NCKAP5: variants seen among roughly 807,000 people sequenced by gnomAD.
NCKAP5 encodes nck-associated protein 5.
NCKAP5 carries 92 observed loss-of-function variants against 167.0 expected under a neutral mutation model. The ratio of observed to expected loss-of-function variants is 0.55; its 90% CI spans 0.47 to 0.66. The LOEUF (loss-of-function observed/expected upper bound fraction) is 0.66. Among genes scored for constraint, NCKAP5 ranks in the 30% least tolerant of loss-of-function variants. NCKAP5 has a pLI of 0.00. For missense variants in NCKAP5, 2,378 were observed against 2,315.0 expected (o/e 1.03, Z -0.56); for synonymous variants, 891 against 877.4 (o/e 1.02, Z -0.27).
chr2:133,419,414 C>G (rs1689329417), intron 3 of NCKAP5, among the ~76,000 whole-genome samples: 1 of 152,130 alleles, frequency 6.6e-6, no homozygotes, highest in Non-Finnish European at 1.5e-5. Context: ...ATTTGGCCCA[C>G]AAAGTGGATT....
At chr2:132,727,391 A>G (rs11692408) in intron 18 of NCKAP5, among the ~76,000 whole-genome samples, 108,288 of 152,146 alleles carry the variant, frequency 0.71, 38,974 homozygotes, top group East Asian at 0.87. Flanking sequence ...CAAAGCCAGC[A>G]CAGAGTCCTT....
At chr2:133,566,678 C>A (rs1200635570) in intron 1 of NCKAP5, among the ~76,000 whole-genome samples, 1 of 152,172 alleles carries the variant, frequency 6.6e-6, no homozygotes, top group Non-Finnish European at 1.5e-5. Flanking sequence ...ACAGGAAGCT[C>A]AGTTTCTAGT....
intron 5 of NCKAP5, among the ~76,000 whole-genome samples, chr2:133,212,215 G>C (rs1368223031): frequency 6.6e-6 from 1 of 152,170 alleles, no homozygotes; most frequent in Non-Finnish European, 1.5e-5. Flanking sequence ...GCAGGAGCTA[G>C]TCTTAAACAA....
chr2:132,955,820 T>C (rs2076325084), intron 8 of NCKAP5, among the ~76,000 whole-genome samples: 1 of 152,226 alleles, frequency 6.6e-6, no homozygotes, highest in African/African-American at 2.4e-5. Flanking sequence ...CCAGCATCTG[T>C]TGTTTCCTGA....
At chr2:133,158,164 T>C (rs926635244) in intron 5 of NCKAP5, among the ~76,000 whole-genome samples, 9 of 152,214 alleles carry the variant, frequency 5.9e-5, no homozygotes, top group African/African-American at 2.2e-4. Flanking sequence ...TGTTTGCTCT[T>C]GGTTAGGGAG....
intron 3 of NCKAP5, among the ~76,000 whole-genome samples, chr2:133,387,831 A>G (rs1035695297): frequency 1.3e-5 from 2 of 152,242 alleles, no homozygotes; most frequent in African/African-American, 4.8e-5. Context: ...CCAGTTGATC[A>G]AATCGGCTAC....
chr2:133,040,344 T>C (rs2079172854), intron 6 of NCKAP5, among the ~76,000 whole-genome samples: 2 of 152,186 alleles, frequency 1.3e-5, no homozygotes, highest in African/African-American at 4.8e-5. Context: ...ACTTTTGCAG[T>C]GACCTAATAC....
chr2:133,671,904 C>T, the NCKAP5 span, among the ~76,000 whole-genome samples: 1 of 152,142 alleles, frequency 6.6e-6, no homozygotes, highest in Non-Finnish European at 1.5e-5. Context: ...ATTTTATATG[C>T]CTGCTCAAAC....
At chr2:132,866,270 A>G (rs1690344344) in intron 10 of NCKAP5, among the ~76,000 whole-genome samples, 1 of 152,204 alleles carries the variant, frequency 6.6e-6, no homozygotes, top group Admixed American at 6.5e-5. Context: ...ACACTGAAGA[A>G]CCTAGGTGAG....
chr2:133,410,637 A>G (rs1301330705), intron 3 of NCKAP5, among the ~76,000 whole-genome samples: 1 of 152,178 alleles, frequency 6.6e-6, no homozygotes, highest in Non-Finnish European at 1.5e-5. Flanking sequence ...GCAGCATCGC[A>G]GGGAGCTTCT....
chr2:133,305,363 C>G (rs767596133), intron 3 of NCKAP5, among the ~76,000 whole-genome samples: 18 of 152,158 alleles, frequency 1.2e-4, no homozygotes, highest in Non-Finnish European at 2.4e-4. Flanking sequence ...GTTTCTTCAT[C>G]TTCGTCAGAG....
At chr2:133,550,852 T>C (rs1452951510) in intron 2 of NCKAP5, among the ~76,000 whole-genome samples, 49 of 144,314 alleles carry the variant, frequency 3.4e-4, no homozygotes, top group Non-Finnish European at 5.3e-4. Flanking sequence ...GAAAACCCCA[T>C]TGTCTCAGCC....
intron 4 of NCKAP5, among the ~76,000 whole-genome samples, chr2:133,249,059 C>T (rs2088157335): frequency 6.6e-6 from 1 of 152,164 alleles, no homozygotes; most frequent in Non-Finnish European, 1.5e-5. Context: ...ATTCCCTTCC[C>T]CCATCCCACT....
chr2:132,807,736 G>A (rs920769928), intron 11 of NCKAP5, among the ~76,000 whole-genome samples: 4 of 151,950 alleles, frequency 2.6e-5, no homozygotes, highest in Non-Finnish European at 4.4e-5. Context: ...TAACCAATTT[G>A]GATGCCCTTT....
the NCKAP5 span, among the ~76,000 whole-genome samples, chr2:133,640,525 A>G: frequency 6.6e-6 from 1 of 152,198 alleles, no homozygotes; most frequent in African/African-American, 2.4e-5. Flanking sequence ...TAAATAACGA[A>G]GCAAACTTCT....
intron 3 of NCKAP5, among the ~76,000 whole-genome samples, chr2:133,438,791 C>G (rs1690656140): frequency 6.6e-6 from 1 of 152,136 alleles, no homozygotes; most frequent in Middle Eastern, 3.2e-3. Flanking sequence ...TTCTACCAAA[C>G]AGAAATGATT....
intron 5 of NCKAP5, among the ~76,000 whole-genome samples, chr2:133,155,865 G>A (rs1484519583): frequency 8.5e-5 from 13 of 152,212 alleles, no homozygotes; most frequent in Admixed American, 8.5e-4. Flanking sequence ...CCAAGCCTCT[G>A]CAATCATGTG....
At position 133,115,888 on chromosome 2, in the gene NCKAP5, GTGAT is replaced by G. The variant is rs2082066548; in HGVS notation, c.341+14086_341+14089del. Among the ~76,000 whole-genome samples the G allele has an allele frequency of 1.4e-5, 2 of 147,226 alleles. 1 individual carries two copies. The highest frequency in any genetic ancestry group is 4.3e-4 in the South Asian group (2 of 4,648). On this transcript the variant is annotated intron_variant, in intron 6 of 19. Transcript: ENST00000409261. ...GGAGATTGGTGATTTGCTTTTTCCG[GTGAT>G]TGATTATTTTGTTTTACATGAAAAC... is the stretch of plus-strand genomic sequence containing the variant.
At chr2:132,712,350 T>C (rs1226487243) in intron 19 of NCKAP5, among the ~76,000 whole-genome samples, 2 of 152,126 alleles carry the variant, frequency 1.3e-5, no homozygotes, top group Admixed American at 1.3e-4. Flanking sequence ...ACCTTTTGCT[T>C]AGAACTATGT....
Sources: gnomAD v4.1 joint callset for allele counts (sites outside exome capture counted in the v4.1 genomes callset) on GRCh38, gnomAD v4.1.1 for gene constraint, MANE v1.5 for transcripts, NCBI Gene and HGNC (gene_info 2026-07-23, HGNC 2026-07-21) for gene names.